Variants in TRIM24 observed in about 807,000 individuals in gnomAD.
TRIM24 encodes the protein tripartite motif containing 24.
TRIM24 carries 29 observed loss-of-function variants against 123.9 expected under a neutral mutation model. The observed-to-expected ratio is 0.23, with a 90% confidence interval of 0.17 to 0.32. The LOEUF is 0.32. Ranked by LOEUF, TRIM24 falls within the 10% of genes least tolerant of loss-of-function variation. TRIM24 has a pLI of 1.00. For missense variants in TRIM24, 932 were observed against 1,295.3 expected (o/e 0.72, Z 4.31); for synonymous variants, 456 against 461.1 (o/e 0.99, Z 0.14).
chr7:138,531,226 G>T (rs191351620), intron 6 of TRIM24, among the ~76,000 whole-genome samples: 3 of 146,908 alleles, frequency 2.0e-5, no homozygotes, highest in Non-Finnish European at 2.9e-5. Flanking sequence ...TGTTACATAC[G>T]TATACATGTT....
In TRIM24 at chr7:138,529,620, C is replaced by G. The variant is rs1796684394; in HGVS notation, c.996+390C>G. ...TAGTTCTCAAATATATATATTTAAC[C>G]CTGTGAGAAGTTAGGTAAAAGAATA... On this transcript the variant is annotated intron_variant, in intron 6 of 18. Coordinates refer to ENST00000343526, the MANE Select transcript of TRIM24 (RefSeq NM_015905.3). 2.6e-5 allele frequency among the ~76,000 whole-genome samples: 4 copies of G among 152,006 alleles called. No homozygotes were observed. In the South Asian group the frequency reaches 8.3e-4, roughly 32 times the overall value.
intron 1 of TRIM24, among the ~76,000 whole-genome samples, chr7:138,492,334 C>T (rs1205219638): frequency 6.8e-6 from 1 of 147,902 alleles, no homozygotes; most frequent in Non-Finnish European, 1.5e-5. Flanking sequence ...AGTTCTTTAC[C>T]TATTTTTGAA....
At chr7:138,569,862 A>G (rs540493040) in intron 10 of TRIM24, among the ~76,000 whole-genome samples, 1 of 152,214 alleles carries the variant, frequency 6.6e-6, no homozygotes, top group South Asian at 2.1e-4. Context: ...CATAATAAAA[A>G]TTGAAAGAAT....
intron 9 of TRIM24, among the ~76,000 whole-genome samples, chr7:138,559,632 G>C (rs906801398): frequency 6.6e-6 from 1 of 152,144 alleles, no homozygotes; most frequent in Non-Finnish European, 1.5e-5. Flanking sequence ...AGGGTGACCA[G>C]AGCAAGGCTG....
chr7:138,522,826 A>G (rs1158772598), intron 4 of TRIM24, among the ~76,000 whole-genome samples: 1 of 147,802 alleles, frequency 6.8e-6, no homozygotes, highest in South Asian at 2.1e-4. Context: ...TTGTTTTAAA[A>G]TAAACAGTTT....
intron 1 of TRIM24, among the ~76,000 whole-genome samples, chr7:138,466,725 T>C (rs1795150253): frequency 6.6e-6 from 1 of 152,170 alleles, no homozygotes; most frequent in Non-Finnish European, 1.5e-5. Flanking sequence ...GTCAGATACA[T>C]GTATTGCAGG....
At chr7:138,491,861 C>G (rs941978174) in intron 1 of TRIM24, among the ~76,000 whole-genome samples, 3 of 151,858 alleles carry the variant, frequency 2.0e-5, no homozygotes, top group Non-Finnish European at 4.4e-5. Flanking sequence ...AGAGCCATCC[C>G]TAGTGGGTGT....
chr7:138,559,789 G>A (rs1490264068), intron 9 of TRIM24, among the ~76,000 whole-genome samples: 1 of 152,196 alleles, frequency 6.6e-6, no homozygotes, highest in African/African-American at 2.4e-5. Flanking sequence ...TAACAGCAGT[G>A]GGAGTGGACA....
chr7:138,537,413 A>G (rs1796913341), intron 6 of TRIM24, among the ~76,000 whole-genome samples: 1 of 55,176 alleles, frequency 1.8e-5, no homozygotes, highest in Non-Finnish European at 3.8e-5. Context: ...TTTTTTGTAA[A>G]GACGTGGTCT....
At chr7:138,511,390 T>A (rs186609531) in intron 2 of TRIM24, among the ~76,000 whole-genome samples, 1 of 151,574 alleles carries the variant, frequency 6.6e-6, no homozygotes, top group Admixed American at 6.6e-5. Context: ...AACCTCTGCC[T>A]CCCAGGTTCA....
intron 1 of TRIM24, chr7:138,461,136 G>A (rs1238979814): frequency 1.5e-6 from 1 of 662,214 alleles, no homozygotes; most frequent in Non-Finnish European, 2.8e-6. Context: ...ACTTGACCGC[G>A]CCGCCGCCGC....
At chr7:138,467,901 T>C (rs1795181828) in intron 1 of TRIM24, among the ~76,000 whole-genome samples, 1 of 150,938 alleles carries the variant, frequency 6.6e-6, no homozygotes. Context: ...TTAAGTATCT[T>C]TTTTTTTTGT....
At chr7:138,531,968 G>A (rs1325360259) in intron 6 of TRIM24, among the ~76,000 whole-genome samples, 1 of 152,182 alleles carries the variant, frequency 6.6e-6, no homozygotes, top group Non-Finnish European at 1.5e-5. Flanking sequence ...CTGATGGCCA[G>A]TGATGATGAG....
At chr7:138,562,655 C>G (rs1169135026) in intron 9 of TRIM24, among the ~76,000 whole-genome samples, 2 of 152,156 alleles carry the variant, frequency 1.3e-5, no homozygotes, top group Non-Finnish European at 2.9e-5. Context: ...GGTTTTAGCT[C>G]TACTACCACT....
rs780633491 is a variant in TRIM24 at position 138,525,295 on chromosome 7, A to G, written c.819A>G (p.Leu273=). 9.0e-5 allele frequency: 137 copies of G among 1,522,344 alleles called. No homozygotes were observed. Among genetic ancestry groups the G allele is most frequent in the Non-Finnish European group, 1.2e-4 (136 of 1,139,848 alleles). 94.3% of individuals were successfully genotyped at this position (1,522,344 alleles called of 1,614,324 possible). The part of the protein sequence containing the change: ...FQNQKVIIDT[L]ITKLMEKTKY... ...ATCAGAAAGTGATCATAGATACACT[A>G]ATCACCAAACTGATGGAAAAAACAA... Residue 273 remains leucine, a synonymous_variant, in exon 5 of 19, where the codon CTA becomes CTG. Transcript: ENST00000343526.
chr7:138,543,092 C>T lies in TRIM24; in HGVS notation c.1143+4289C>T, dbSNP rs547577196. On this transcript the variant is annotated intron_variant, in intron 7 of 18. Coordinates refer to ENST00000343526, the MANE Select transcript of TRIM24 (RefSeq NM_015905.3). ...CATTCATGCAATCAGATAAGCATTC[C>T]GTCAATCTCCTTATCAATTTAAAAA... 6.6e-5 allele frequency among the ~76,000 whole-genome samples: 10 copies of T among 152,188 alleles called. No individual in the cohort carries two copies. The South Asian group carries it at 1.0e-3, about 16-fold the overall frequency.
chr7:138,536,260 G>C (rs751367685), intron 6 of TRIM24, among the ~76,000 whole-genome samples: 1 of 152,132 alleles, frequency 6.6e-6, no homozygotes, highest in Non-Finnish European at 1.5e-5. Flanking sequence ...TGCTGTCTAG[G>C]AGCTGCGTTC....
chr7:138,555,980 G>A (rs1448839027), intron 9 of TRIM24, among the ~76,000 whole-genome samples: 1 of 152,100 alleles, frequency 6.6e-6, no homozygotes, highest in African/African-American at 2.4e-5. Flanking sequence ...TTGTCAATAT[G>A]TAAACATTAG....
intron 2 of TRIM24, among the ~76,000 whole-genome samples, 159 bp from the exon 3 acceptor site, chr7:138,515,053 T>G (rs1422035552): frequency 1.3e-5 from 2 of 152,222 alleles, no homozygotes; most frequent in Non-Finnish European, 2.9e-5. Context: ...ATTTCTTATG[T>G]GTATAATGTA....
Sources: allele counts gnomAD v4.1 joint callset (sites outside exome capture counted in the v4.1 genomes callset), GRCh38; gene constraint gnomAD v4.1.1; transcripts MANE v1.5; gene names NCBI Gene and HGNC (gene_info 2026-07-23, HGNC 2026-07-21).